The following CNTN4 variants were observed in gnomAD, a reference collection of about 807,000 sequenced individuals.
CNTN4 encodes contactin-4.
CNTN4 carries 77 observed loss-of-function variants against 122.5 expected under a neutral mutation model. The ratio of observed to expected loss-of-function variants is 0.63; its 90% CI spans 0.52 to 0.76. CNTN4 has a LOEUF of 0.76. Among genes scored for constraint, CNTN4 ranks in the 30% least tolerant of loss-of-function variants. The probability of loss-of-function intolerance (pLI) is 0.00; values close to 1 mark genes in which losing one functional copy is unlikely to be tolerated. For synonymous variants in CNTN4, 512 were observed against 447.0 expected, an observed-to-expected ratio of 1.15 and a Z score of -1.83; for missense variants, 1,256 against 1,259.1, an observed-to-expected ratio of 1.00 and a Z score of 0.04.
chr3:2,857,210 C>G lies in CNTN4; in HGVS notation c.455-9542C>G, dbSNP rs79481615. ...TATCATGTGATTTTGTTCTGTTCTCCTGCTACTTGAGAAAAAGCCATATTC... is the reference window on the plus strand; with the variant it reads ...TATCATGTGATTTTGTTCTGTTCTCGTGCTACTTGAGAAAAAGCCATATTC... On this transcript the variant is annotated intron_variant, in intron 7 of 24. Transcript: ENST00000418658. Among the ~76,000 whole-genome samples the G allele has an allele frequency of 1.1e-3, 164 of 152,276 alleles. 1 individual carries two copies. The East Asian group carries it at 0.027, about 25-fold the overall frequency.
At chr3:2,938,042 A>G (rs1339630198) in intron 13 of CNTN4, among the ~76,000 whole-genome samples, 1 of 152,224 alleles carries the variant, frequency 6.6e-6, no homozygotes, top group Non-Finnish European at 1.5e-5. Flanking sequence ...CTGTAAAATA[A>G]TATGAATGAA....
chr3:2,109,314 C>A (rs1403651655), intron 2 of CNTN4, among the ~76,000 whole-genome samples: 1 of 151,944 alleles, frequency 6.6e-6, no homozygotes, highest in Non-Finnish European at 1.5e-5. Flanking sequence ...TCTTTTGGTT[C>A]ATAAGAAAGT....
intron 2 of CNTN4, among the ~76,000 whole-genome samples, chr3:2,208,536 G>A (rs1213611181): frequency 1.3e-5 from 2 of 152,138 alleles, no homozygotes; most frequent in Non-Finnish European, 2.9e-5. Flanking sequence ...AACAACACAG[G>A]ATTTAGAATA....
chr3:2,261,009 G>A (rs953304281), intron 2 of CNTN4, among the ~76,000 whole-genome samples: 1 of 152,084 alleles, frequency 6.6e-6, no homozygotes, highest in African/African-American at 2.4e-5. Flanking sequence ...GTGATTACAG[G>A]TGTGAGACAC....
At chr3:2,395,284 T>G (rs1181017146) in intron 3 of CNTN4, among the ~76,000 whole-genome samples, 1 of 152,130 alleles carries the variant, frequency 6.6e-6, no homozygotes, top group Non-Finnish European at 1.5e-5. Context: ...TGTATTCACA[T>G]ACAACACCAG....
chr3:2,824,184 C>T (rs911940994), intron 7 of CNTN4, among the ~76,000 whole-genome samples: 7 of 149,928 alleles, frequency 4.7e-5, no homozygotes, highest in East Asian at 2.0e-4. Flanking sequence ...ACAGGCCAGG[C>T]GCGGTGACTC....
chr3:2,775,632 G>T (rs74853707), intron 6 of CNTN4, among the ~76,000 whole-genome samples: 11,146 of 152,070 alleles, frequency 0.073, 472 homozygotes, highest in African/African-American at 0.095. Flanking sequence ...TGTTGGCCAG[G>T]CTGGTCTTGA....
chr3:2,689,830 C>G (rs2085631757), intron 4 of CNTN4, among the ~76,000 whole-genome samples: 1 of 152,092 alleles, frequency 6.6e-6, no homozygotes, highest in Non-Finnish European at 1.5e-5. Context: ...CAATCCTTGC[C>G]TATCTCCAGC....
At chr3:2,855,393 T>C (rs189329780) in intron 7 of CNTN4, among the ~76,000 whole-genome samples, 9 of 152,338 alleles carry the variant, frequency 5.9e-5, no homozygotes, top group South Asian at 2.1e-4. Context: ...TATCTCACTT[T>C]CCCTGTCTCT....
At chr3:2,160,862 CT>C (rs2035937501) in intron 2 of CNTN4, among the ~76,000 whole-genome samples, 1 of 152,130 alleles carries the variant, frequency 6.6e-6, no homozygotes, top group African/African-American at 2.4e-5. Flanking sequence ...GAACACCTTC[CT>C]TCTGTACACA....
chr3:2,104,040 G>C (rs1349401709), intron 2 of CNTN4, among the ~76,000 whole-genome samples: 1 of 152,118 alleles, frequency 6.6e-6, no homozygotes, highest in Non-Finnish European at 1.5e-5. Flanking sequence ...TTCACAATTA[G>C]GTAATGATAT....
chr3:2,296,575 A>T (rs1304552238), intron 2 of CNTN4, among the ~76,000 whole-genome samples: 2 of 152,194 alleles, frequency 1.3e-5, no homozygotes, highest in Non-Finnish European at 2.9e-5. Context: ...TTAAATGGTT[A>T]TTCCTGGGAA....
At chr3:2,194,984 G>A (rs2037768210) in intron 2 of CNTN4, among the ~76,000 whole-genome samples, 1 of 152,108 alleles carries the variant, frequency 6.6e-6, no homozygotes, top group African/African-American at 2.4e-5. Flanking sequence ...TTAGATTGTA[G>A]TCACCTTGCT....
At chr3:2,941,082 A>G (rs867447601) in intron 13 of CNTN4, among the ~76,000 whole-genome samples, 1 of 152,210 alleles carries the variant, frequency 6.6e-6, no homozygotes, top group Non-Finnish European at 1.5e-5. Context: ...GGTGAATGCA[A>G]TGTGTTCCAA....
intron 2 of CNTN4, among the ~76,000 whole-genome samples, chr3:2,337,205 G>A (rs923209455): frequency 1.3e-5 from 2 of 152,074 alleles, no homozygotes; most frequent in Non-Finnish European, 2.9e-5. Context: ...ATGCATTCAT[G>A]ATATGTTAGT....
At chr3:2,823,275 A>G (rs900604000) in intron 7 of CNTN4, among the ~76,000 whole-genome samples, 7 of 152,216 alleles carry the variant, frequency 4.6e-5, no homozygotes, top group Admixed American at 1.3e-4. Flanking sequence ...GCCTTTTATT[A>G]TATCAGTGGG....
intron 2 of CNTN4, among the ~76,000 whole-genome samples, chr3:2,210,424 C>A (rs546692984): frequency 1.4e-4 from 21 of 152,294 alleles, no homozygotes; most frequent in Admixed American, 8.5e-4. Flanking sequence ...CCATTGTCTG[C>A]CTAAATCACC....
At chr3:2,714,852 C>T (rs1054219067) in intron 4 of CNTN4, among the ~76,000 whole-genome samples, 2 of 152,170 alleles carry the variant, frequency 1.3e-5, no homozygotes, top group African/African-American at 4.8e-5. Context: ...ATCCTCCTTC[C>T]TTGGCCCCCA....
chr3:2,492,157 G>C (rs1178240021), intron 3 of CNTN4, among the ~76,000 whole-genome samples: 1 of 152,154 alleles, frequency 6.6e-6, no homozygotes, highest in Non-Finnish European at 1.5e-5. Flanking sequence ...TGCGTTTCTA[G>C]CACAGTGGCT....
Sources: gnomAD v4.1 joint callset for allele counts (sites outside exome capture counted in the v4.1 genomes callset) on GRCh38, gnomAD v4.1.1 for gene constraint, MANE v1.5 for transcripts, NCBI Gene and HGNC (gene_info 2026-07-23, HGNC 2026-07-21) for gene names.